Variants in HDAC1 observed in about 807,000 individuals in gnomAD.
The protein encoded by HDAC1 is histone deacetylase 1, also known as protein deacetylase HDAC1.
HDAC1 carries 18 observed loss-of-function variants against 65.5 expected under a neutral mutation model. The observed-to-expected ratio is 0.27, with a 90% CI of 0.19 to 0.41. HDAC1 has a LOEUF of 0.41. Ranked by LOEUF, HDAC1 falls within the 10% of genes least tolerant of loss-of-function variation. The pLI is 1.00. For synonymous variants in HDAC1, 211 were observed against 227.9 expected, an observed-to-expected ratio of 0.93 and a Z score of 0.67; for missense variants, 373 against 625.2, an observed-to-expected ratio of 0.60 and a Z score of 4.30.
At chr1:32,301,883 AG>A (rs1443402300) in intron 1 of HDAC1, among the ~76,000 whole-genome samples, 1 of 152,210 alleles carries the variant, frequency 6.6e-6, no homozygotes, top group Non-Finnish European at 1.5e-5. Context: ...CAGCCTCCAG[AG>A]TAACTGGGAT....
chr1:32,303,605 A>G (rs2148058771), intron 2 of HDAC1, among the ~76,000 whole-genome samples: 1 of 152,316 alleles, frequency 6.6e-6, no homozygotes, highest in African/African-American at 2.4e-5. Context: ...TTTGTCACTG[A>G]TCTTTGAGTT....
intron 6 of HDAC1, among the ~76,000 whole-genome samples, chr1:32,328,724 T>G (rs1192390925): frequency 1.3e-5 from 2 of 152,008 alleles, no homozygotes; most frequent in Non-Finnish European, 2.9e-5. Flanking sequence ...GTGGAAAGGG[T>G]TGTCAAGGGT....
intron 2 of HDAC1, among the ~76,000 whole-genome samples, chr1:32,309,693 A>C (rs1413957672): frequency 2.0e-5 from 3 of 148,386 alleles, no homozygotes; most frequent in Non-Finnish European, 3.0e-5. Flanking sequence ...AAAAAAAAAA[A>C]AAAAAAAAAC....
intron 6 of HDAC1, among the ~76,000 whole-genome samples, chr1:32,328,833 C>G (rs1245395571): frequency 1.3e-5 from 2 of 152,202 alleles, no homozygotes; most frequent in Admixed American, 1.3e-4. Context: ...CTGGTCCCAT[C>G]AAGAGCTCTC....
chr1:32,327,298 T>C lies in HDAC1; in HGVS notation c.494+221T>C, dbSNP rs751732386. The C allele has an allele frequency of 1.4e-4, 85 of 615,860 alleles. No homozygotes were observed. The highest frequency in any genetic ancestry group is 2.3e-4 in the Non-Finnish European group (79 of 349,954). The allele number at this position is 615,860 out of a possible 1,614,324, so 38.1% of individuals were successfully genotyped here. ...TGCTGCTCAGATCCTGCCTCCAGAG[T>C]GTCCCTGTGTGGCTGGAGTTGACCC... On this transcript the variant is annotated intron_variant, in intron 5 of 13. Transcript: ENST00000373548. This position sits in a 1 kb window ranked among gnomAD's most constrained non-coding sequence, Gnocchi z 6.0.
Position 32,329,218 on chromosome 1 carries a change from G to A in HDAC1, c.729+58G>A. 2.0e-6 allele frequency: 2 copies of A among 1,000,288 alleles called. No homozygotes were observed. Among genetic ancestry groups the A allele is most frequent in the South Asian group, 2.5e-5 (2 of 78,784 alleles). The allele number at this position is 1,000,288 out of a possible 1,614,324, so 62.0% of individuals were successfully genotyped here. ...ACAGGGGATTGGTTGGCGGTGGAGG[G>A]GAGCAAAGCACCCCCACCATACCTC... is the stretch of plus-strand genomic sequence containing the variant. On this transcript the variant is annotated intron_variant, in intron 7 of 13. Transcript: ENST00000373548. The surrounding 1 kb of genome is among the most constrained non-coding windows in gnomAD (Gnocchi z 4.1).
Position 32,333,120 on chromosome 1 carries a change from A to G in HDAC1, c.*76A>G. 2.6e-6 allele frequency: 3 copies of G among 1,151,258 alleles called. No individual in the cohort carries two copies. Among genetic ancestry groups the G allele is most frequent in the Non-Finnish European group, 3.8e-6 (3 of 792,368 alleles). The allele number at this position is 1,151,258 out of a possible 1,614,324, so 71.3% of individuals were successfully genotyped here. A position where few individuals can be genotyped will look rare whatever the true frequency, so the allele number is the denominator to read the frequency against. ...CAACCCCTCAGATTTTATATTTTCT[A>G]TTTCTCTGTGTATTTATATAAAAAT... On this transcript the variant is annotated 3_prime_UTR_variant, in exon 14 of 14. Coordinates refer to ENST00000373548, the MANE Select transcript of HDAC1 (RefSeq NM_004964.3).
At chr1:32,310,575 C>T (rs937868427) in intron 2 of HDAC1, among the ~76,000 whole-genome samples, 7 of 152,178 alleles carry the variant, frequency 4.6e-5, no homozygotes, top group East Asian at 1.9e-4. Flanking sequence ...ACAGGCCGGG[C>T]GCAGTGGCTC....
intron 1 of HDAC1, among the ~76,000 whole-genome samples, chr1:32,301,439 CTG>C (rs1640847259): frequency 7.0e-6 from 1 of 142,624 alleles, no homozygotes; most frequent in Non-Finnish European, 1.5e-5. Context: ...CAGCGAGACT[CTG>C]TCTCAAAAAA....
chr1:32,332,570 C>G (rs1188237773), intron 12 of HDAC1, 131 bp from the exon 13 acceptor site: 1 of 710,880 alleles, frequency 1.4e-6, no homozygotes, highest in African/African-American at 1.8e-5. Context: ...CTGGGAGGAC[C>G]AGGGATGGGC....
chr1:32,328,468 G>A lies in HDAC1; in HGVS notation c.637-600G>A, dbSNP rs879550502. Among the ~76,000 whole-genome samples the A allele has an allele frequency of 2.0e-5, 3 of 152,096 alleles. No individual in the cohort carries two copies. The East Asian group carries it at 5.8e-4, about 29-fold the overall frequency. The stretch of plus-strand genomic sequence containing the variant: ...GGGATTTAGCTGGGATTATAAGTGC[G>A]TGCAACTATGCCCGGCTAATTTTTG... On this transcript the variant is annotated intron_variant, in intron 6 of 13. Transcript: ENST00000373548.
chr1:32,326,657 AT>A (rs1311606880), intron 4 of HDAC1, among the ~76,000 whole-genome samples: 8 of 149,870 alleles, frequency 5.3e-5, no homozygotes, highest in Non-Finnish European at 1.0e-4. Context: ...CATTAAAAAA[AT>A]ATATATATAT....
intron 3 of HDAC1, among the ~76,000 whole-genome samples, chr1:32,317,570 A>G (rs902120719): frequency 1.3e-5 from 2 of 152,228 alleles, no homozygotes; most frequent in African/African-American, 4.8e-5. Context: ...ACCACAAGGT[A>G]GTCTTACTCC....
In HDAC1 at chr1:32,331,387, C is replaced by A; in HGVS notation, c.980-87C>A. 1.3e-6 allele frequency: 1 copy of A among 766,754 alleles called. No individual in the cohort carries two copies. Among genetic ancestry groups the A allele is most frequent in the Non-Finnish European group, 2.3e-6 (1 of 432,708 alleles). 47.5% of individuals were successfully genotyped at this position (766,754 alleles called of 1,614,324 possible). A position where few individuals can be genotyped will look rare whatever the true frequency, so the allele number is the denominator to read the frequency against. On this transcript the variant is annotated intron_variant, in intron 9 of 13. Transcript: ENST00000373548. This position sits in a 1 kb window ranked among gnomAD's most constrained non-coding sequence, Gnocchi z 4.2. ...GTTTGGATAAATAGGCCCAGAGAAACCTACAAATGCTTTAGGGTGCTTACG... is the reference window on the plus strand; with the variant it reads ...GTTTGGATAAATAGGCCCAGAGAAAACTACAAATGCTTTAGGGTGCTTACG...
intron 4 of HDAC1, among the ~76,000 whole-genome samples, chr1:32,326,568 C>T (rs1333259328): frequency 6.6e-6 from 1 of 152,104 alleles, no homozygotes; most frequent in Non-Finnish European, 1.5e-5. Flanking sequence ...CATGCACACA[C>T]TCACTCACTC....
chr1:32,298,173 C>T (rs1393642958), intron 1 of HDAC1, among the ~76,000 whole-genome samples: 4 of 151,182 alleles, frequency 2.6e-5, no homozygotes, highest in South Asian at 2.1e-4. Context: ...CTGCAACCTC[C>T]GCCTCCCAGG....
intron 2 of HDAC1, among the ~76,000 whole-genome samples, chr1:32,303,933 A>G (rs1640880938): frequency 6.6e-6 from 1 of 152,214 alleles, no homozygotes; most frequent in Non-Finnish European, 1.5e-5. Flanking sequence ...CAAACACATT[A>G]GTACATCTGT....
rs200014386 is a variant in HDAC1 at position 32,331,556 on chromosome 1, C to T, written c.1062C>T (p.Asn354=). Reference sequence around the variant, plus strand: ...GTCCTTCCAATATGACTAACCAGAACACGAATGAGTACCTGGAGAAGATCA... The same window carrying T: ...GTCCTTCCAATATGACTAACCAGAATACGAATGAGTACCTGGAGAAGATCA... ...HISPSNMTNQ[N]TNEYLEKIKQ... The change falls in exon 10 of 14, where the codon AAC becomes AAT. Residue 354 remains asparagine, a synonymous_variant. Coordinates refer to ENST00000373548, the MANE Select transcript of HDAC1 (RefSeq NM_004964.3). This position sits in a 1 kb window ranked among gnomAD's most constrained non-coding sequence, Gnocchi z 4.2. 2.0e-5 allele frequency: 32 copies of T among 1,609,882 alleles called. 1 individual carries two copies. In the South Asian group the frequency reaches 2.7e-4, roughly 14 times the overall value.
chr1:32,309,109 G>A (rs1640951867), intron 2 of HDAC1, among the ~76,000 whole-genome samples: 1 of 152,170 alleles, frequency 6.6e-6, no homozygotes, highest in Non-Finnish European at 1.5e-5. Flanking sequence ...ACCACGCCCA[G>A]CCAAGAGTTC....
Sources: gnomAD v4.1 joint callset for allele counts (sites outside exome capture counted in the v4.1 genomes callset) on GRCh38, gnomAD v4.1.1 for gene constraint, Gnocchi (gnomAD v3.1) non-coding constraint, MANE v1.5 for transcripts, NCBI Gene and HGNC (gene_info 2026-07-23, HGNC 2026-07-21) for gene names.